DNA2: variants seen among roughly 807,000 people sequenced by gnomAD.
DNA2 encodes DNA replication ATP-dependent helicase/nuclease DNA2.
Under a neutral mutation model 119.1 loss-of-function variants are expected in DNA2, and 101 were observed. The observed-to-expected ratio is 0.85, with a 90% CI of 0.72 to 1.00. The LOEUF (loss-of-function observed/expected upper bound fraction) is 1.00. DNA2 is among the 50% of genes least tolerant of loss of function. DNA2 has a pLI of 0.00. For missense variants in DNA2, 1,121 were observed against 1,255.5 expected (o/e 0.89, Z 1.62); for synonymous variants, 366 against 424.4 (o/e 0.86, Z 1.69).
intron 9 of DNA2, among the ~76,000 whole-genome samples, chr10:68,438,769 C>T (rs954667257): frequency 3.9e-5 from 6 of 152,118 alleles, no homozygotes; most frequent in Non-Finnish European, 8.8e-5. Context: ...CGCCGTGGCT[C>T]ATGCCTGTAA....
At chr10:68,472,079 C>G (rs372871456), upstream of DNA2, 3 of 1,571,862 alleles carry the variant, frequency 1.9e-6, no homozygotes, top group South Asian at 2.3e-5. Context: ...CTGTCCCCTG[C>G]CTTTGCTCCC....
rs1564882187 is a variant in DNA2 at position 68,431,870 on chromosome 10, A to G, written c.1975T>C (p.Cys659Arg). Residue 659 changes from cysteine (C) to arginine (R), a missense_variant, in exon 13 of 21, where the codon TGT (cysteine) becomes CGT (arginine). By Grantham distance (180) the Cys-to-Arg change is radical (BLOSUM62 -3). Transcript: ENST00000358410. ...MPGTGKTTTI[C>R]TLVRILYACG... The stretch of plus-strand genomic sequence containing the variant: ...AAGAATAATAACCTTACGAGAGTAC[A>G]TATCGTAGTTGTTTTTCCTGTCCCA... The G allele has an allele frequency of 6.2e-7, 1 of 1,602,540 alleles. No homozygotes were observed. Among genetic ancestry groups the G allele is most frequent in the Non-Finnish European group, 8.5e-7 (1 of 1,170,006 alleles).
chr10:68,441,648 C>T (rs1004733933), intron 9 of DNA2, among the ~76,000 whole-genome samples: 12 of 151,980 alleles, frequency 7.9e-5, no homozygotes, highest in Middle Eastern at 3.4e-3. Flanking sequence ...CAGTGGCAGG[C>T]GCCTGTAATC....
chr10:68,428,660 T>C (rs117911535), intron 14 of DNA2, among the ~76,000 whole-genome samples: 1,819 of 152,270 alleles, frequency 0.012, 13 homozygotes, highest in Non-Finnish European at 0.018. Flanking sequence ...AAACTATTAA[T>C]ACGTACAACT....
intron 14 of DNA2, among the ~76,000 whole-genome samples, chr10:68,427,969 G>T (rs576084991): frequency 3.3e-5 from 5 of 150,096 alleles, no homozygotes; most frequent in African/African-American, 1.2e-4. Context: ...GGAGGCAAAG[G>T]TTGCAGTGAG....
At chr10:68,437,346 A>G (rs972887608) in intron 9 of DNA2, 105 bp from the exon 10 acceptor site, 7 of 999,406 alleles carry the variant, frequency 7.0e-6, no homozygotes, top group Admixed American at 5.5e-5. Context: ...CCTAAAAATT[A>G]TTATTGAGGC....
rs1193249841 is a variant in DNA2 at position 68,450,024 on chromosome 10, A to G, written c.939+4T>C. ...ACAGACAATTTTCTTATTAACATTT[A>G]TACCTGACTACGGTGTTCAATAGAA... On this transcript the variant is annotated splice_donor_region_variant and intron_variant, in intron 6 of 20. Coordinates refer to ENST00000358410, the MANE Select transcript of DNA2 (RefSeq NM_001080449.3). 6.5e-7 allele frequency: 1 copy of G among 1,544,156 alleles called. No individual in the cohort carries two copies. The highest frequency in any genetic ancestry group is 8.8e-7 in the Non-Finnish European group (1 of 1,133,312).
In DNA2 at chr10:68,445,070, T is replaced by C. The variant is rs757187966; in HGVS notation, c.1071A>G (p.Leu357=). The C allele has an allele frequency of 3.1e-6, 5 of 1,598,614 alleles. No homozygotes were observed. The highest frequency in any genetic ancestry group is 2.3e-5 in the South Asian group (2 of 87,968). The change falls in exon 8 of 21, where the codon CTA becomes CTG. Residue 357 remains leucine, a synonymous_variant. Transcript: ENST00000358410. ...ACAATGAGAATGCCATCTGGTTTCT[T>C]AGCTTTAATAATTCTATGAAAAAAA... ...NHLDKRELLK[L]RNQMAFSLFH...
In DNA2 at chr10:68,415,128, A is replaced by G. The variant is rs17460571; in HGVS notation, c.3115-21T>C. The stretch of plus-strand genomic sequence containing the variant: ...ATGATGTAAAATAAATTAAGGAAGA[A>G]ATATTTAGCACAATATGGAATGGCA... On this transcript the variant is annotated intron_variant, in intron 20 of 20. Coordinates refer to ENST00000358410, the MANE Select transcript of DNA2 (RefSeq NM_001080449.3). The G allele has an allele frequency of 0.11, 156,726 of 1,454,880 alleles. 10,487 individuals are homozygous for G. Among genetic ancestry groups the G allele is most frequent in the South Asian group, 0.24 (19,763 of 81,954 alleles). 90.1% of individuals were successfully genotyped at this position (1,454,880 alleles called of 1,614,324 possible).
chr10:68,463,732 A>G (rs2052291425), intron 4 of DNA2, among the ~76,000 whole-genome samples: 1 of 152,136 alleles, frequency 6.6e-6, no homozygotes, highest in African/African-American at 2.4e-5. Flanking sequence ...CACCATAATA[A>G]CACATTCATC....
intron 4 of DNA2, chr10:68,461,273 A>G (rs946881954): frequency 1.3e-5 from 2 of 152,234 alleles, no homozygotes; most frequent in Non-Finnish European, 2.9e-5. Flanking sequence ...TTTTCCTTTC[A>G]TAAGAGTACA....
intron 5 of DNA2, among the ~76,000 whole-genome samples, chr10:68,453,918 T>C (rs1276681480): frequency 6.6e-6 from 1 of 152,216 alleles, no homozygotes; most frequent in African/African-American, 2.4e-5. Context: ...AAAATGTATA[T>C]AAGTTTGTGT....
chr10:68,459,099 C>A lies in DNA2; in HGVS notation c.719+5G>T. 6.3e-7 allele frequency: 1 copy of A among 1,587,654 alleles called. No homozygotes were observed. The highest frequency in any genetic ancestry group is 8.6e-7 in the Non-Finnish European group (1 of 1,167,482). On this transcript the variant is annotated splice_donor_5th_base_variant and intron_variant, in intron 5 of 20. Transcript: ENST00000358410. ...CTATATATATAAACAAAATGTGTTT[C>A]TTACAGAGAGAGCTGCATCTGAGGG... is the stretch of plus-strand genomic sequence containing the variant.
At chr10:68,427,621 C>T (rs1221051962) in intron 14 of DNA2, among the ~76,000 whole-genome samples, 1 of 147,420 alleles carries the variant, frequency 6.8e-6, no homozygotes, top group Non-Finnish European at 1.5e-5. Context: ...TGCACTCCAG[C>T]CTGGGCAACA....
At position 68,418,214 on chromosome 10, in the gene DNA2, G is replaced by C. The variant is rs149129670; in HGVS notation, c.2967+820C>G. On this transcript the variant is annotated intron_variant, in intron 19 of 20. Coordinates refer to ENST00000358410, the MANE Select transcript of DNA2 (RefSeq NM_001080449.3). ...GGATCATCTGAGGTCAGGAGTTCGA[G>C]ACCAGCCTGGACAAGATGGTGAAAC... is the stretch of plus-strand genomic sequence containing the variant. Among the ~76,000 whole-genome samples the C allele has an allele frequency of 2.0e-5, 3 of 152,176 alleles. No individual in the cohort carries two copies. In the East Asian group the frequency reaches 5.8e-4, roughly 29 times the overall value.
chr10:68,433,244 AT>A (rs1482167396), intron 10 of DNA2, among the ~76,000 whole-genome samples: 1 of 151,906 alleles, frequency 6.6e-6, no homozygotes, highest in Non-Finnish European at 1.5e-5. Flanking sequence ...CCTCTCCCTC[AT>A]CCTCTCCCCA....
At chr10:68,436,789 A>C in intron 10 of DNA2, 2 of 377,828 alleles carry the variant, frequency 5.3e-6, no homozygotes, top group Non-Finnish European at 9.4e-6. Context: ...GGGCTGGGGA[A>C]ATTGGAGGAA....
intron 10 of DNA2, among the ~76,000 whole-genome samples, chr10:68,434,270 C>CA (rs34001465): frequency 0.15 from 19,160 of 131,228 alleles, 1,454 homozygotes; most frequent in East Asian, 0.27. Context: ...GAGACGGTCT[C>CA]AAAAAAAAAA....
Position 68,430,583 on chromosome 10 carries a change from C to A in DNA2, c.2061G>T (p.Leu687Phe). Residue 687 changes from leucine (L) to phenylalanine (F), a missense_variant, in exon 14 of 21, where the codon TTG (leucine) becomes TTT (phenylalanine). By Grantham distance (22) the Leu-to-Phe change is conservative. Transcript: ENST00000358410. The stretch of plus-strand genomic sequence containing the variant: ...ATCCTATTTTAAACTTGGCTAACTT[C>A]AAAAGAATATTGTCAACAGCAGAGT... ...YTHSAVDNILLKLAKFKIGFL... is the reference protein window; with the variant it reads ...YTHSAVDNILFKLAKFKIGFL... 6.2e-7 allele frequency: 1 copy of A among 1,607,936 alleles called. No individual in the cohort carries two copies. The highest frequency in any genetic ancestry group is 8.5e-7 in the Non-Finnish European group (1 of 1,177,006).
Sources: allele counts gnomAD v4.1 joint callset (sites outside exome capture counted in the v4.1 genomes callset), GRCh38; gene constraint gnomAD v4.1.1; transcripts MANE v1.5; gene names NCBI Gene and HGNC (gene_info 2026-07-23, HGNC 2026-07-21).